The following ROBO2 variants were observed in gnomAD, a reference collection of about 807,000 sequenced individuals.
ROBO2 encodes the protein roundabout guidance receptor 2, also known as roundabout homolog 2.
ROBO2 carries 53 observed loss-of-function variants against 160.8 expected under a neutral mutation model. The observed-to-expected ratio is 0.33, with a 90% CI of 0.26 to 0.41. The LOEUF (loss-of-function observed/expected upper bound fraction) is 0.41. Among genes scored for constraint, ROBO2 ranks in the 10% least tolerant of loss-of-function variants. The pLI is 1.00. For missense variants in ROBO2, 1,577 were observed against 1,722.4 expected, an observed-to-expected ratio of 0.92 and a Z score of 1.49; for synonymous variants, 664 against 611.7, an observed-to-expected ratio of 1.09 and a Z score of -1.26.
At chr3:75,996,088 A>C (rs533591671) in intron 2 of ROBO2, among the ~76,000 whole-genome samples, 1 of 152,104 alleles carries the variant, frequency 6.6e-6, no homozygotes, top group Non-Finnish European at 1.5e-5. Flanking sequence ...TTAATTCTGG[A>C]ATGAGGTAAG....
chr3:76,643,257 A>G (rs1203340172), intron 2 of ROBO2, among the ~76,000 whole-genome samples: 5 of 152,206 alleles, frequency 3.3e-5, no homozygotes, highest in African/African-American at 1.2e-4. Flanking sequence ...TAGGTTGTGT[A>G]TAGCAATTCA....
At chr3:76,482,517 A>G (rs1273106897) in intron 2 of ROBO2, among the ~76,000 whole-genome samples, 3 of 152,120 alleles carry the variant, frequency 2.0e-5, no homozygotes, top group Non-Finnish European at 2.9e-5. Flanking sequence ...TTTTTAATGC[A>G]ATTTTCTTTT....
intron 2 of ROBO2, among the ~76,000 whole-genome samples, chr3:76,778,017 ACCTACCTC>A (rs1363407556): frequency 6.6e-6 from 1 of 151,006 alleles, no homozygotes; most frequent in Admixed American, 6.6e-5. Context: ...CCCTACATAT[ACCTACCTC>A]CCTTGCACCC....
chr3:76,885,107 A>G (rs1451242688), intron 2 of ROBO2, among the ~76,000 whole-genome samples: 2 of 152,164 alleles, frequency 1.3e-5, no homozygotes, highest in African/African-American at 2.4e-5. Flanking sequence ...TTGAGCCAGG[A>G]GAAAAAAACT....
intron 21 of ROBO2, among the ~76,000 whole-genome samples, chr3:77,610,317 C>G (rs1295305310): frequency 6.6e-6 from 1 of 152,012 alleles, no homozygotes; most frequent in South Asian, 2.1e-4. Context: ...ACTTCAGATA[C>G]TTTTTTGCTC....
chr3:77,401,900 C>CTACCAAAAG (rs2075829440), intron 2 of ROBO2, among the ~76,000 whole-genome samples: 2 of 152,158 alleles, frequency 1.3e-5, no homozygotes, highest in Non-Finnish European at 2.9e-5. Context: ...AAAAGCATTC[C>CTACCAAAAG]TGTTTCTCCA....
At chr3:76,339,593 G>A (rs1576530321) in intron 2 of ROBO2, among the ~76,000 whole-genome samples, 1 of 151,872 alleles carries the variant, frequency 6.6e-6, no homozygotes, top group South Asian at 2.1e-4. Flanking sequence ...CTTCCATATG[G>A]TATGCATGTT....
chr3:76,122,241 A>G (rs2070781284), intron 2 of ROBO2, among the ~76,000 whole-genome samples: 1 of 151,890 alleles, frequency 6.6e-6, no homozygotes, highest in African/African-American at 2.4e-5. Context: ...CAGCTCCTTT[A>G]TTTATTTTCT....
rs138535027 is a variant in ROBO2, at chr3:76,682,074, TA to T, written c.110-415937del. ...GTGCCAGATGTGAAGTAAGAGCCAG[TA>T]AACAAAGAAGAAGGACACATTGCGG... On this transcript the variant is annotated intron_variant, in intron 2 of 26. Coordinates refer to the ROBO2 transcript ENST00000487694. Among the ~76,000 whole-genome samples, 408 of 152,194 alleles carry T rather than the reference TA, an allele frequency of 2.7e-3. 2 individuals are homozygous for T. Among genetic ancestry groups the T allele is most frequent in the African/African-American group, 9.4e-3 (390 of 41,540 alleles).
intron 2 of ROBO2, among the ~76,000 whole-genome samples, chr3:76,300,277 T>C (rs1032296826): frequency 4.6e-5 from 7 of 152,058 alleles, no homozygotes; most frequent in African/African-American, 1.4e-4. Flanking sequence ...ATAGTTCTTT[T>C]TTTTTGAATC....
chr3:77,228,248 C>G (rs1201506358), intron 2 of ROBO2, among the ~76,000 whole-genome samples: 1 of 152,022 alleles, frequency 6.6e-6, no homozygotes, highest in African/African-American at 2.4e-5. Flanking sequence ...CTTAATGCAG[C>G]CTTGAACTCC....
chr3:76,783,838 A>G (rs1576598249), intron 2 of ROBO2, among the ~76,000 whole-genome samples: 1 of 150,910 alleles, frequency 6.6e-6, no homozygotes, highest in East Asian at 2.0e-4. Flanking sequence ...CTTCTTCTGG[A>G]ACTTTTATAA....
intron 2 of ROBO2, among the ~76,000 whole-genome samples, chr3:76,485,923 G>T (rs1295343178): frequency 6.6e-6 from 1 of 152,046 alleles, no homozygotes; most frequent in African/African-American, 2.4e-5. Context: ...ACTCTCACTA[G>T]ACCAAAATAT....
chr3:76,838,906 C>T (rs948453485), intron 2 of ROBO2, among the ~76,000 whole-genome samples: 2 of 152,062 alleles, frequency 1.3e-5, no homozygotes, highest in African/African-American at 4.8e-5. Flanking sequence ...GACATTCAAT[C>T]CACATGAAAC....
chr3:76,184,586 T>C (rs535627211), intron 2 of ROBO2, among the ~76,000 whole-genome samples: 141 of 140,020 alleles, frequency 1.0e-3, no homozygotes, highest in Middle Eastern at 3.5e-3. Context: ...GATAGATAGA[T>C]AGATAGATAA....
intron 2 of ROBO2, among the ~76,000 whole-genome samples, chr3:76,137,170 G>A (rs1474096608): frequency 1.3e-5 from 2 of 151,614 alleles, no homozygotes; most frequent in African/African-American, 4.8e-5. Flanking sequence ...CAGGGCTTAT[G>A]GCTACTGTCC....
chr3:76,001,596 G>A (rs560132744), intron 2 of ROBO2, among the ~76,000 whole-genome samples: 38 of 152,236 alleles, frequency 2.5e-4, no homozygotes, highest in African/African-American at 8.9e-4. Flanking sequence ...GCAGTGCAGT[G>A]GTGCAATCAT....
chr3:77,178,177 A>C (rs1310201321), intron 2 of ROBO2, among the ~76,000 whole-genome samples: 1 of 152,032 alleles, frequency 6.6e-6, no homozygotes, highest in Admixed American at 6.6e-5. Flanking sequence ...GGCGCGCTAC[A>C]AGGTAGGATA....
chr3:76,412,676 T>G (rs2075555506), intron 2 of ROBO2, among the ~76,000 whole-genome samples: 1 of 152,220 alleles, frequency 6.6e-6, no homozygotes, highest in African/African-American at 2.4e-5. Context: ...TAGGTCATGC[T>G]GATGGAAGCG....
Sources: allele counts gnomAD v4.1 joint callset (sites outside exome capture counted in the v4.1 genomes callset), GRCh38; gene constraint gnomAD v4.1.1; transcripts MANE v1.5; gene names NCBI Gene and HGNC (gene_info 2026-07-23, HGNC 2026-07-21).